Variants in PPM1K observed in about 807,000 individuals in gnomAD.
PPM1K encodes the protein protein phosphatase, Mg2+/Mn2+ dependent 1K.
PPM1K carries 19 observed loss-of-function variants against 32.6 expected under a neutral mutation model. The observed-to-expected ratio is 0.58, with a 90% CI of 0.41 to 0.86. The LOEUF is 0.86. Ranked by LOEUF, PPM1K falls within the 40% of genes least tolerant of loss-of-function variation. The pLI is 0.00. For missense variants in PPM1K, 362 were observed against 461.2 expected (o/e 0.78, Z 1.97); for synonymous variants, 159 against 165.3 (o/e 0.96, Z 0.29).
intron 1 of PPM1K, chr4:88,283,873 G>A (rs1732121542): frequency 6.6e-6 from 1 of 152,424 alleles, no homozygotes; most frequent in Non-Finnish European, 1.5e-5. Context: ...GCCTGCCTGC[G>A]AAGCCTCGCA....
chr4:88,262,618 C>T lies in PPM1K; in HGVS notation c.1096G>A (p.Ala366Thr). The change falls in exon 7 of 7, where the codon GCC (alanine) becomes ACC (threonine). Residue 366 changes from alanine to threonine, a missense_variant. By Grantham distance (58) the Ala-to-Thr change is moderately conservative (BLOSUM62 0). Coordinates refer to ENST00000608933, the MANE Select transcript of PPM1K (RefSeq NM_152542.5). ...AATCAGGCCCATCGTCCACTGGAGG[C>T]AAAGCTTCTGCTGAATGAGAAGTTG... ...EINFSFSRSF[A>T]SSGRWA 6.2e-7 allele frequency: 1 copy of T among 1,614,054 alleles called. No homozygotes were observed. The highest frequency in any genetic ancestry group is 1.1e-5 in the South Asian group (1 of 91,078).
rs547551199 is a variant in PPM1K at position 88,262,496 on chromosome 4, C to T, written c.*99G>A. On this transcript the variant is annotated 3_prime_UTR_variant, in exon 7 of 7. Transcript: ENST00000608933. ...TCTAAGTGGTTTACACTGACTTGTG[C>T]GCTGATCTAGTGAGTTAGGAGACCT... 2.0e-4 allele frequency: 263 copies of T among 1,346,242 alleles called. No homozygotes were observed. The African/African-American group carries it at 2.6e-3, about 13-fold the overall frequency. 83.4% of individuals were successfully genotyped at this position (1,346,242 alleles called of 1,614,324 possible). A position where few individuals can be genotyped will look rare whatever the true frequency, so the allele number is the denominator to read the frequency against.
chr4:88,274,732 T>A (rs1455172845), intron 3 of PPM1K, among the ~76,000 whole-genome samples: 4 of 152,164 alleles, frequency 2.6e-5, no homozygotes, highest in Admixed American at 6.5e-5. Context: ...AATGACATTT[T>A]AAAAAATCCA....
chr4:88,262,535 AG>A lies in PPM1K; in HGVS notation c.*59del. ...GTTAGGAGACCTTTTTGATCTTATCAGTTTCTTGACATGCTCAGTGAAAAAC... is the reference window on the plus strand; with the variant it reads ...GTTAGGAGACCTTTTTGATCTTATCATTTCTTGACATGCTCAGTGAAAAAC... On this transcript the variant is annotated 3_prime_UTR_variant, in exon 7 of 7. Coordinates refer to ENST00000608933, the MANE Select transcript of PPM1K (RefSeq NM_152542.5). 6.3e-7 allele frequency: 1 copy of A among 1,586,058 alleles called. No homozygotes were observed.
Position 88,268,274 on chromosome 4 carries a change from G to T in PPM1K, c.768C>A (p.Gly256=), listed in dbSNP as rs1731414058. 1 of 1,613,892 alleles carries T rather than the reference G, an allele frequency of 6.2e-7. No homozygotes were observed. Among genetic ancestry groups the T allele is most frequent in the Non-Finnish European group, 8.5e-7 (1 of 1,179,942 alleles). The stretch of plus-strand genomic sequence containing the variant: ...CAATACTTCTTGTCATTGCAAGCCT[G>T]CCATTTACGTGAGGCTGCCCCAAAC... The part of the protein sequence containing the change: ...WNSLGQPHVN[G]RLAMTRSIGD... Residue 256 remains glycine, a synonymous_variant, in exon 5 of 7, where the codon GGC becomes GGA. Coordinates refer to ENST00000608933, the MANE Select transcript of PPM1K (RefSeq NM_152542.5).
chr4:88,275,025 G>A (rs906070579), intron 3 of PPM1K: 3 of 774,710 alleles, frequency 3.9e-6, no homozygotes, highest in Non-Finnish European at 4.7e-6. Context: ...TACACACTAA[G>A]AGCATCATCT....
At chr4:88,276,655 A>G in intron 3 of PPM1K, 4 of 985,160 alleles carry the variant, frequency 4.1e-6, no homozygotes, top group Non-Finnish European at 4.8e-6. Context: ...AAATTAGTGC[A>G]TATTAACCAT....
rs546864477 is a variant in PPM1K at position 88,258,629 on chromosome 4, GA to G, written c.*3965del. ...GCGACAGAGCGAGACTCTGTCTCAAGAAAAAAAAAAAATTCCATCTTTTAGA... is the reference window on the plus strand; with the variant it reads ...GCGACAGAGCGAGACTCTGTCTCAAGAAAAAAAAAAATTCCATCTTTTAGA... On this transcript the variant is annotated 3_prime_UTR_variant, in exon 7 of 7. Coordinates refer to ENST00000608933, the MANE Select transcript of PPM1K (RefSeq NM_152542.5). The G allele has an allele frequency of 4.9e-4, 69 of 142,236 alleles. 1 individual carries two copies. The highest frequency in any genetic ancestry group is 4.7e-3 in the South Asian group (21 of 4,472). The allele number at this position is 142,236 out of a possible 1,614,324, so 8.8% of individuals were successfully genotyped here.
intron 1 of PPM1K, among the ~76,000 whole-genome samples, chr4:88,282,192 C>T (rs1732042194): frequency 6.6e-6 from 1 of 152,100 alleles, no homozygotes; most frequent in South Asian, 2.1e-4. Context: ...ACCATTTTAA[C>T]ATTATATTCA....
At chr4:88,274,439 T>A (rs986655938) in intron 3 of PPM1K, among the ~76,000 whole-genome samples, 18 of 152,326 alleles carry the variant, frequency 1.2e-4, no homozygotes, top group Middle Eastern at 3.4e-3. Context: ...CCAGGTTCTA[T>A]GCAGGGTGCT....
At chr4:88,284,289 C>G (rs567138938) in intron 1 of PPM1K, 117 bp downstream of exon 1, 1 of 152,384 alleles carries the variant, frequency 6.6e-6, no homozygotes, top group Non-Finnish European at 1.5e-5. Flanking sequence ...AAACCGACGT[C>G]TCCCCTTCGA....
chr4:88,264,592 C>G lies in PPM1K; in HGVS notation c.987+409G>C, dbSNP rs373075799. On this transcript the variant is annotated intron_variant, in intron 6 of 6. Transcript: ENST00000608933. ...GACCTTCAGTGATTAACTCTGTAGC[C>G]TCTGTACCTGTTTTCCTCATCTGTG... 9.3e-4 allele frequency among the ~76,000 whole-genome samples: 142 copies of G among 152,304 alleles called. 4 individuals are homozygous for G. The Middle Eastern group carries it at 0.017, about 18-fold the overall frequency.
At chr4:88,276,178 C>T in intron 3 of PPM1K, 4 of 985,426 alleles carry the variant, frequency 4.1e-6, no homozygotes, top group African/African-American at 1.7e-5. Context: ...CCACTCTAAT[C>T]TTCAGTTCCT....
At position 88,262,641 on chromosome 4, in the gene PPM1K, T is replaced by A. The variant is rs201472937; in HGVS notation, c.1073A>T (p.Asn358Ile). ...GGCAAAGCTTCTGCTGAATGAGAAGTTGATTTCAGAGTTCTTATATTTTCC... is the reference window on the plus strand; with the variant it reads ...GGCAAAGCTTCTGCTGAATGAGAAGATGATTTCAGAGTTCTTATATTTTCC... ...AWGKYKNSEI[N>I]FSFSRSFASS... Residue 358 changes from asparagine (N) to isoleucine (I), a missense_variant, in exon 7 of 7, where the codon AAC becomes ATC. Physicochemically the swap from Asn to Ile is moderately radical, Grantham distance 149. Coordinates refer to ENST00000608933, the MANE Select transcript of PPM1K (RefSeq NM_152542.5). 3.7e-6 allele frequency: 6 copies of A among 1,614,064 alleles called. No individual in the cohort carries two copies. The highest frequency in any genetic ancestry group is 1.7e-5 in the Admixed American group (1 of 60,008).
intron 1 of PPM1K, among the ~76,000 whole-genome samples, chr4:88,283,049 C>G (rs138193890): frequency 2.0e-5 from 3 of 152,230 alleles, no homozygotes; most frequent in Non-Finnish European, 4.4e-5. Context: ...ATCAGACACA[C>G]ACACACGCAC....
At chr4:88,280,002 T>C (rs1457604891) in intron 1 of PPM1K, among the ~76,000 whole-genome samples, 2 of 152,218 alleles carry the variant, frequency 1.3e-5, no homozygotes, top group Admixed American at 6.5e-5. Context: ...CAATGAATTT[T>C]TGGAAATCAG....
chr4:88,274,156 C>CA (rs1731672529), intron 3 of PPM1K, among the ~76,000 whole-genome samples: 1 of 152,198 alleles, frequency 6.6e-6, no homozygotes, highest in South Asian at 2.1e-4. Context: ...GCCAGACGAG[C>CA]AATGCTGCTT....
At chr4:88,272,324 C>T (rs2110163723) in intron 3 of PPM1K, among the ~76,000 whole-genome samples, 1 of 152,130 alleles carries the variant, frequency 6.6e-6, no homozygotes, top group South Asian at 2.1e-4. Context: ...TTTAATTCTT[C>T]CATAAAGAGG....
intron 3 of PPM1K, among the ~76,000 whole-genome samples, chr4:88,270,807 C>CA (rs1731530108): frequency 6.6e-6 from 1 of 152,160 alleles, no homozygotes; most frequent in South Asian, 2.1e-4. Context: ...TTCACAGTTC[C>CA]AAAATCCCAG....
Sources: allele counts gnomAD v4.1 joint callset (sites outside exome capture counted in the v4.1 genomes callset), GRCh38; gene constraint gnomAD v4.1.1; transcripts MANE v1.5; gene names NCBI Gene and HGNC (gene_info 2026-07-23, HGNC 2026-07-21).